The following CBFA2T2 variants were observed in gnomAD, a reference collection of about 807,000 sequenced individuals.
CBFA2T2 encodes protein CBFA2T2.
Under a neutral mutation model 62.2 loss-of-function variants are expected in CBFA2T2, and 11 were observed. The ratio of observed to expected loss-of-function variants is 0.18; its 90% CI spans 0.11 to 0.29. CBFA2T2 has a LOEUF of 0.29. Ranked by LOEUF, CBFA2T2 falls within the 10% of genes least tolerant of loss-of-function variation. CBFA2T2 has a pLI of 1.00. For synonymous variants in CBFA2T2, 295 were observed against 287.5 expected, an observed-to-expected ratio of 1.03 and a Z score of -0.27; for missense variants, 592 against 774.1, an observed-to-expected ratio of 0.76 and a Z score of 2.79.
chr20:33,492,147 G>A (rs1487233781), intron 1 of CBFA2T2, among the ~76,000 whole-genome samples: 3 of 152,038 alleles, frequency 2.0e-5, no homozygotes, highest in African/African-American at 7.2e-5. Context: ...CTCTCAAAGT[G>A]CTGGGATTAG....
intron 2 of CBFA2T2, among the ~76,000 whole-genome samples, chr20:33,608,753 G>GA (rs1236303777): frequency 1.3e-5 from 2 of 152,060 alleles, no homozygotes; most frequent in Non-Finnish European, 2.9e-5. Flanking sequence ...TTTCATTTCA[G>GA]AAAATGTGAT....
Position 33,501,420 on chromosome 20 carries a change from T to A in CBFA2T2, c.34+11119T>A, listed in dbSNP as rs1297734891. On this transcript the variant is annotated intron_variant, in intron 1 of 10. Coordinates refer to ENST00000342704, the MANE Select transcript of CBFA2T2 (RefSeq NM_001032999.3). Reference sequence around the variant, plus strand: ...CACAGATTTATTCATTTTGGCCTTGTATCCCTAGAGCTACACTAACTTTAT... The same window carrying A: ...CACAGATTTATTCATTTTGGCCTTGAATCCCTAGAGCTACACTAACTTTAT... Among the ~76,000 whole-genome samples, 3 of 152,108 alleles carry A rather than the reference T, an allele frequency of 2.0e-5. No homozygotes were observed. The East Asian group carries it at 5.8e-4, about 29-fold the overall frequency.
chr20:33,624,625 C>A, intron 5 of CBFA2T2, 139 bp from the exon 6 acceptor site: 2 of 895,334 alleles, frequency 2.2e-6, no homozygotes, highest in Non-Finnish European at 3.5e-6. Flanking sequence ...CAGCTCATGC[C>A]TCATGTCACA....
At chr20:33,611,899 A>ATT (rs1488675856) in intron 3 of CBFA2T2, among the ~76,000 whole-genome samples, 1 of 152,034 alleles carries the variant, frequency 6.6e-6, no homozygotes. Context: ...GCAACTTTGG[A>ATT]TTTTTTTTAA....
intron 1 of CBFA2T2, among the ~76,000 whole-genome samples, chr20:33,570,027 C>T (rs1600984809): frequency 6.6e-6 from 1 of 152,164 alleles, no homozygotes; most frequent in East Asian, 1.9e-4. Flanking sequence ...GACCTGTAAT[C>T]CCAGCAGTTT....
chr20:33,576,312 T>A (rs2013824437), intron 1 of CBFA2T2, among the ~76,000 whole-genome samples: 1 of 152,122 alleles, frequency 6.6e-6, no homozygotes, highest in African/African-American at 2.4e-5. Flanking sequence ...AATATAAAAG[T>A]AGATACTGGA....
intron 1 of CBFA2T2, among the ~76,000 whole-genome samples, chr20:33,559,688 G>A (rs1600970694): frequency 1.3e-5 from 2 of 152,080 alleles, no homozygotes; most frequent in Admixed American, 6.5e-5. Flanking sequence ...GGGTTTCACC[G>A]TGTTGGCTAG....
intron 1 of CBFA2T2, among the ~76,000 whole-genome samples, chr20:33,598,012 A>G (rs1039044099): frequency 2.6e-5 from 4 of 152,140 alleles, no homozygotes; most frequent in Non-Finnish European, 5.9e-5. Flanking sequence ...AAAAACCAGC[A>G]AGTTTTTATT....
intron 1 of CBFA2T2, among the ~76,000 whole-genome samples, chr20:33,546,954 A>G (rs2146882036): frequency 6.6e-6 from 1 of 152,092 alleles, no homozygotes; most frequent in African/African-American, 2.4e-5. Flanking sequence ...TAATCCCAGC[A>G]TTTTGGGAGG....
chr20:33,604,287 A>G (rs2015254184), intron 1 of CBFA2T2, among the ~76,000 whole-genome samples: 1 of 152,196 alleles, frequency 6.6e-6, no homozygotes, highest in Middle Eastern at 3.2e-3. Flanking sequence ...CCTTCTGTAT[A>G]CCTTGCAGTG....
intron 5 of CBFA2T2, among the ~76,000 whole-genome samples, chr20:33,624,352 A>G (rs1466896981): frequency 4.6e-5 from 7 of 150,844 alleles, no homozygotes; most frequent in African/African-American, 7.3e-5. Context: ...AAAAAAAAAG[A>G]CACAATTGGA....
At chr20:33,576,481 C>T (rs1245208986) in intron 1 of CBFA2T2, among the ~76,000 whole-genome samples, 2 of 152,186 alleles carry the variant, frequency 1.3e-5, no homozygotes, top group Non-Finnish European at 2.9e-5. Flanking sequence ...AATAACAGCC[C>T]CTCAGGGATA....
chr20:33,547,687 ATGTGTGTGTGTGTGTGTGTGTGTG>A (rs60988030), intron 1 of CBFA2T2, among the ~76,000 whole-genome samples: 1 of 139,072 alleles, frequency 7.2e-6, no homozygotes, highest in Non-Finnish European at 1.5e-5. Flanking sequence ...TCTCAAAAAA[ATGTGTGTGTGTGTGTGTGTGTGTG>A]TGTGTGTGTG....
chr20:33,601,027 C>CA (rs577854713), intron 1 of CBFA2T2, among the ~76,000 whole-genome samples: 85 of 139,756 alleles, frequency 6.1e-4, no homozygotes, highest in African/African-American at 7.3e-4. Flanking sequence ...ATAATAGAAC[C>CA]AAAAAAAAAA....
intron 1 of CBFA2T2, among the ~76,000 whole-genome samples, chr20:33,509,136 G>A (rs1426872457): frequency 2.6e-5 from 4 of 152,142 alleles, no homozygotes. Flanking sequence ...GAAGGCTGAG[G>A]TGGGCAGATC....
chr20:33,551,112 G>A (rs1406262373), intron 1 of CBFA2T2, among the ~76,000 whole-genome samples: 1 of 152,100 alleles, frequency 6.6e-6, no homozygotes, highest in Non-Finnish European at 1.5e-5. Context: ...AAATCAGTTG[G>A]TGGTCTCATT....
chr20:33,555,307 A>G (rs1277101246), intron 1 of CBFA2T2, among the ~76,000 whole-genome samples: 2 of 152,154 alleles, frequency 1.3e-5, no homozygotes, highest in Non-Finnish European at 2.9e-5. Context: ...TGTAGTTGTC[A>G]TCATCAGAGT....
chr20:33,594,084 C>T (rs2014782608), intron 1 of CBFA2T2, among the ~76,000 whole-genome samples: 2 of 152,208 alleles, frequency 1.3e-5, no homozygotes, highest in Non-Finnish European at 2.9e-5. Context: ...AAAGCAGAAG[C>T]AGAAAGAATA....
intron 1 of CBFA2T2, among the ~76,000 whole-genome samples, chr20:33,500,728 T>C (rs2146846685): frequency 6.6e-6 from 1 of 151,964 alleles, no homozygotes; most frequent in Admixed American, 6.6e-5. Flanking sequence ...AATAAAAATT[T>C]AAAAATTTAA....
Sources: gnomAD v4.1 joint callset for allele counts (sites outside exome capture counted in the v4.1 genomes callset) on GRCh38, gnomAD v4.1.1 for gene constraint, MANE v1.5 for transcripts, NCBI Gene and HGNC (gene_info 2026-07-23, HGNC 2026-07-21) for gene names.